The following AKAP6 variants were observed in gnomAD, a reference collection of about 807,000 sequenced individuals.
The protein encoded by AKAP6 is A-kinase anchor protein 6.
AKAP6 carries 58 observed loss-of-function variants against 188.5 expected under a neutral mutation model. The observed-to-expected ratio is 0.31, with a 90% CI of 0.25 to 0.38. AKAP6 has a LOEUF of 0.38. Among genes scored for constraint, AKAP6 ranks in the 10% least tolerant of loss-of-function variants. AKAP6 has a pLI of 1.00. For missense variants in AKAP6, 2,710 were observed against 2,740.0 expected, an observed-to-expected ratio of 0.99 and a Z score of 0.24; for synonymous variants, 989 against 998.6, an observed-to-expected ratio of 0.99 and a Z score of 0.18.
At chr14:32,746,338 A>G (rs2031909788) in intron 11 of AKAP6, among the ~76,000 whole-genome samples, 1 of 152,150 alleles carries the variant, frequency 6.6e-6, no homozygotes, top group Non-Finnish European at 1.5e-5. Context: ...GTACCTGGGT[A>G]TTACTGCTGG....
At chr14:32,487,926 G>A (rs1879792045) in intron 2 of AKAP6, among the ~76,000 whole-genome samples, 1 of 152,304 alleles carries the variant, frequency 6.6e-6, no homozygotes, top group South Asian at 2.1e-4. Flanking sequence ...TCGTCCCAGA[G>A]GGGCACCCAC....
At chr14:32,551,556 A>G in intron 4 of AKAP6, among the ~76,000 whole-genome samples, 1 of 142,048 alleles carries the variant, frequency 7.0e-6, no homozygotes, top group Non-Finnish European at 1.5e-5. Flanking sequence ...TGGGCAACGG[A>G]GCAAGACTTG....
chr14:32,774,170 A>G (rs1429370674), intron 12 of AKAP6, among the ~76,000 whole-genome samples: 1 of 152,200 alleles, frequency 6.6e-6, no homozygotes, highest in African/African-American at 2.4e-5. Flanking sequence ...AAAAAATCAC[A>G]TGGAGATTTC....
intron 2 of AKAP6, among the ~76,000 whole-genome samples, chr14:32,483,005 A>ATGTGTGTGTGTG (rs1435446426): frequency 2.0e-3 from 221 of 111,136 alleles, no homozygotes; most frequent in South Asian, 7.5e-3. Flanking sequence ...ATATATATAT[A>ATGTGTGTGTGTG]TATATATGTA....
chr14:32,764,031 C>T (rs2032625989), intron 11 of AKAP6, among the ~76,000 whole-genome samples: 2 of 152,108 alleles, frequency 1.3e-5, no homozygotes, highest in Non-Finnish European at 1.5e-5. Flanking sequence ...GCTATCAGGA[C>T]CAAAAGAGCT....
intron 5 of AKAP6, among the ~76,000 whole-genome samples, chr14:32,583,808 C>T (rs148163937): frequency 6.6e-5 from 10 of 152,192 alleles, no homozygotes; most frequent in African/African-American, 1.9e-4. Flanking sequence ...CCCGGTGCGC[C>T]GTTTTTTAAG....
At position 32,823,392 on chromosome 14, in the gene AKAP6, A is replaced by C; in HGVS notation, c.5579A>C (p.Asn1860Thr). Reference sequence around the variant, plus strand: ...TCTGTAAAACGTGTCTCTGAAAATAATGGAAATGGTAAGAATTCATCTCAT... The same window carrying C: ...TCTGTAAAACGTGTCTCTGAAAATACTGGAAATGGTAAGAATTCATCTCAT... ...NGSVKRVSEN[N>T]GNGKNSSHTH... The change falls in exon 13 of 14, where the codon AAT becomes ACT. Residue 1860 changes from asparagine (N) to threonine (T), a missense_variant. Around this residue, in one of 2 missense-constraint regions of AKAP6, gnomAD observed 2,473 missense variants for 2,426.1 expected, o/e 1.02. Transcript: ENST00000280979. The C allele has an allele frequency of 6.2e-7, 1 of 1,613,864 alleles. No homozygotes were observed. The highest frequency in any genetic ancestry group is 8.5e-7 in the Non-Finnish European group (1 of 1,179,908).
At chr14:32,661,171 G>A (rs186464359) in intron 7 of AKAP6, among the ~76,000 whole-genome samples, 2 of 152,120 alleles carry the variant, frequency 1.3e-5, no homozygotes, top group East Asian at 3.9e-4. Flanking sequence ...ATGCAGAGAA[G>A]CCAAGGGCTC....
chr14:32,416,593 C>T (rs984693408), intron 1 of AKAP6, among the ~76,000 whole-genome samples: 3 of 152,056 alleles, frequency 2.0e-5, no homozygotes, highest in Admixed American at 6.6e-5. Flanking sequence ...TCTTTTCTGT[C>T]GCCCAGGCTG....
chr14:32,764,933 CTTTTTTTT>C, intron 11 of AKAP6, among the ~76,000 whole-genome samples: 1 of 124,694 alleles, frequency 8.0e-6, no homozygotes, highest in Non-Finnish European at 1.7e-5. Context: ...TCAAGTGAAT[CTTTTTTTT>C]TTTTTTTTTT....
intron 2 of AKAP6, among the ~76,000 whole-genome samples, chr14:32,471,354 A>G (rs1475805732): frequency 6.6e-6 from 1 of 152,212 alleles, no homozygotes; most frequent in African/African-American, 2.4e-5. Context: ...ACAGCTAAAG[A>G]TAGTAGAAGT....
chr14:32,611,561 A>G (rs1475807994), intron 7 of AKAP6, among the ~76,000 whole-genome samples: 3 of 152,156 alleles, frequency 2.0e-5, no homozygotes, highest in African/African-American at 7.2e-5. Flanking sequence ...ACAAGAGACT[A>G]TTGTGTGAGA....
chr14:32,490,696 G>T (rs974781426), intron 2 of AKAP6, among the ~76,000 whole-genome samples: 1 of 151,986 alleles, frequency 6.6e-6, no homozygotes, highest in Non-Finnish European at 1.5e-5. Context: ...CTCTAGATTC[G>T]GCTTATACAT....
intron 9 of AKAP6, among the ~76,000 whole-genome samples, chr14:32,708,200 C>T (rs1890893412): frequency 6.6e-6 from 1 of 152,062 alleles, no homozygotes; most frequent in African/African-American, 2.4e-5. Flanking sequence ...TATAGAAGCA[C>T]AATTTGTACT....
chr14:32,595,650 AT>A (rs1445386476), intron 5 of AKAP6, among the ~76,000 whole-genome samples: 1 of 152,054 alleles, frequency 6.6e-6, no homozygotes, highest in Non-Finnish European at 1.5e-5. Context: ...CCAGAACTAT[AT>A]GTGCATGCCA....
intron 9 of AKAP6, among the ~76,000 whole-genome samples, chr14:32,717,814 T>C (rs1016412122): frequency 2.0e-5 from 3 of 152,140 alleles, no homozygotes; most frequent in Non-Finnish European, 4.4e-5. Flanking sequence ...ACTGTCATTC[T>C]TCTGAGTGAC....
At chr14:32,742,247 A>G (rs970189186) in intron 11 of AKAP6, among the ~76,000 whole-genome samples, 1 of 151,580 alleles carries the variant, frequency 6.6e-6, no homozygotes. Context: ...GATTTTATTT[A>G]TTTGGATCTT....
chr14:32,825,833 A>G (rs1161278674), intron 13 of AKAP6, among the ~76,000 whole-genome samples: 1 of 152,222 alleles, frequency 6.6e-6, no homozygotes, highest in African/African-American at 2.4e-5. Context: ...GAATTACAGA[A>G]GCAATCTACC....
intron 13 of AKAP6, among the ~76,000 whole-genome samples, chr14:32,828,112 T>C (rs1233312334): frequency 6.6e-6 from 1 of 152,192 alleles, no homozygotes; most frequent in African/African-American, 2.4e-5. Flanking sequence ...CAGTAGATTT[T>C]AGATTTTAGG....
Sources: gnomAD v4.1 joint callset for allele counts (sites outside exome capture counted in the v4.1 genomes callset) on GRCh38, gnomAD v4.1.1 for gene constraint, gnomAD v4.1.1 regional missense constraint, MANE v1.5 for transcripts, NCBI Gene and HGNC (gene_info 2026-07-23, HGNC 2026-07-21) for gene names.